The following CAPN3 variants were observed in gnomAD, a reference collection of about 807,000 sequenced individuals.
The protein encoded by CAPN3 is calpain 3.
CAPN3 carries 88 observed loss-of-function variants against 114.0 expected under a neutral mutation model. The ratio of observed to expected loss-of-function variants is 0.77; its 90% CI spans 0.65 to 0.92. CAPN3 has a LOEUF of 0.92. Among genes scored for constraint, CAPN3 ranks in the 40% least tolerant of loss-of-function variants. CAPN3 has a pLI of 0.00. For missense variants in CAPN3, 1,028 were observed against 1,069.0 expected (o/e 0.96, Z 0.53); for synonymous variants, 386 against 382.9 (o/e 1.01, Z -0.09).
chr15:42,386,320 G>A (rs28364399), intron 3 of CAPN3, 35 bp downstream of exon 3: 4 of 1,440,762 alleles, frequency 2.8e-6, no homozygotes, highest in South Asian at 1.1e-5. Flanking sequence ...GAGGGCCAGC[G>A]GCAGGCCACC....
At chr15:42,390,367 G>C (rs2053522629) in intron 6 of CAPN3, among the ~76,000 whole-genome samples, 1 of 152,160 alleles carries the variant, frequency 6.6e-6, no homozygotes, top group African/African-American at 2.4e-5. Flanking sequence ...AGAAATACTT[G>C]TAAAGATACT....
At chr15:42,360,181 C>A in intron 1 of CAPN3, 67 bp downstream of exon 1, 1 of 1,577,734 alleles carries the variant, frequency 6.3e-7, no homozygotes, top group South Asian at 1.1e-5. Context: ...TCAGCACCTC[C>A]GGCAGCTCAG....
At chr15:42,396,423 A>G (rs2053692372) in intron 8 of CAPN3, among the ~76,000 whole-genome samples, 1 of 151,888 alleles carries the variant, frequency 6.6e-6, no homozygotes, top group Non-Finnish European at 1.5e-5. Context: ...TTGTATTTTT[A>G]TTAGGACGGG....
chr15:42,383,605 C>G (rs1464040077), intron 1 of CAPN3, among the ~76,000 whole-genome samples: 1 of 152,082 alleles, frequency 6.6e-6, no homozygotes. Context: ...CAGTGAGACT[C>G]TGTCTCAAAA....
At chr15:42,370,200 T>C (rs183251011) in intron 1 of CAPN3, among the ~76,000 whole-genome samples, 4 of 152,180 alleles carry the variant, frequency 2.6e-5, no homozygotes, top group African/African-American at 7.2e-5. Context: ...AGTTGGAAGC[T>C]TTCTGTCCAT....
In CAPN3 at chr15:42,359,912, G is replaced by C. The variant is rs768925755; in HGVS notation, c.107G>C (p.Gly36Ala). 6.2e-7 allele frequency: 1 copy of C among 1,614,240 alleles called. No homozygotes were observed. The change falls in exon 1 of 24, where the codon GGT becomes GCT. Residue 36 changes from glycine (G) to alanine (A), a missense_variant. Transcript: ENST00000397163. ...PAQSKATEAG[G>A]GNPSGIYSAI... ...CAGAGCAAGGCCACTGAGGCTGGGGGTGGAAACCCAAGTGGCATCTATTCA... is the reference window on the plus strand; with the variant it reads ...CAGAGCAAGGCCACTGAGGCTGGGGCTGGAAACCCAAGTGGCATCTATTCA...
chr15:42,410,274 A>G, intron 19 of CAPN3, 154 bp from the exon 20 acceptor site: 1 of 814,600 alleles, frequency 1.2e-6, no homozygotes, highest in Non-Finnish European at 2.1e-6. Flanking sequence ...TGGGTTACAG[A>G]GTAGGCGCAA....
At chr15:42,411,644 G>A in intron 23 of CAPN3, 103 bp from the exon 24 acceptor site, 1 of 757,008 alleles carries the variant, frequency 1.3e-6, no homozygotes, top group Non-Finnish European at 2.4e-6. Context: ...GGTCTGACCT[G>A]CTGGGACTGT....
intron 1 of CAPN3, among the ~76,000 whole-genome samples, chr15:42,384,184 C>T (rs910084833): frequency 1.3e-5 from 2 of 151,970 alleles, no homozygotes; most frequent in Non-Finnish European, 2.9e-5. Flanking sequence ...GAGGCCGAGG[C>T]GGGTGGATCA....
At chr15:42,399,464 G>A (rs761595625) in intron 9 of CAPN3, 28 bp from the exon 10 acceptor site, 1 of 1,592,378 alleles carries the variant, frequency 6.3e-7, no homozygotes, top group Non-Finnish European at 8.6e-7. Flanking sequence ...GCTCCCATAT[G>A]GCTCTCTCTC....
At chr15:42,397,075 C>G (rs1367671416) in intron 9 of CAPN3, among the ~76,000 whole-genome samples, 198 bp downstream of exon 9, 5 of 152,192 alleles carry the variant, frequency 3.3e-5, no homozygotes, top group African/African-American at 7.2e-5. Context: ...GAGCCCAGGA[C>G]CAGGCCAACA....
At position 42,405,921 on chromosome 15, in the gene CAPN3, T is replaced by C. The variant is rs780680647; in HGVS notation, c.1783-5T>C. ...CTGCATTTACTGTTTCCTTTTCTTA[T>C]GCAGAAAAAGAAAAAAACCAAGGTA... is the stretch of plus-strand genomic sequence containing the variant. On this transcript the variant is annotated splice_polypyrimidine_tract_variant and splice_region_variant and intron_variant, in intron 14 of 23. Transcript: ENST00000397163. 18 of 1,610,970 alleles carry C rather than the reference T, an allele frequency of 1.1e-5. No homozygotes were observed. In the African/African-American group the frequency reaches 1.9e-4, roughly 17 times the overall value.
At chr15:42,381,115 GC>G (rs1301075162) in intron 1 of CAPN3, among the ~76,000 whole-genome samples, 1 of 151,668 alleles carries the variant, frequency 6.6e-6, no homozygotes, top group African/African-American at 2.4e-5. Context: ...TGCTATAATT[GC>G]CCAATACATT....
intron 1 of CAPN3, among the ~76,000 whole-genome samples, chr15:42,368,859 T>C (rs964489512): frequency 6.6e-6 from 1 of 152,158 alleles, no homozygotes; most frequent in African/African-American, 2.4e-5. Flanking sequence ...CAAGACCAGC[T>C]TGGGCACCAT....
At chr15:42,384,812 A>G (rs1308480375) in intron 2 of CAPN3, among the ~76,000 whole-genome samples, 3 of 152,146 alleles carry the variant, frequency 2.0e-5, no homozygotes, top group Non-Finnish European at 1.5e-5. Flanking sequence ...TCTCAAGGAC[A>G]CTTACATACC....
intron 8 of CAPN3, among the ~76,000 whole-genome samples, chr15:42,395,304 A>G (rs1276246720): frequency 6.6e-6 from 1 of 152,106 alleles, no homozygotes; most frequent in African/African-American, 2.4e-5. Context: ...TATGCACGCT[A>G]CACCTATCCT....
intron 1 of CAPN3, among the ~76,000 whole-genome samples, chr15:42,373,229 T>C (rs1318192001): frequency 1.3e-5 from 2 of 152,168 alleles, no homozygotes; most frequent in Non-Finnish European, 2.9e-5. Flanking sequence ...TCATTGGTTT[T>C]CAACTTTAGT....
intron 1 of CAPN3, among the ~76,000 whole-genome samples, chr15:42,379,310 C>CA (rs879913460): frequency 6.6e-4 from 92 of 138,434 alleles, no homozygotes; most frequent in South Asian, 2.3e-3. Context: ...GACTCTGTCT[C>CA]AAAAAAAAAA....
intron 19 of CAPN3, 94 bp from the exon 20 acceptor site, chr15:42,410,334 C>A: frequency 9.3e-7 from 1 of 1,073,714 alleles, no homozygotes; most frequent in Non-Finnish European, 1.4e-6. Flanking sequence ...TACAACAGGG[C>A]AGTGGGTAGG....
Sources: allele counts gnomAD v4.1 joint callset (sites outside exome capture counted in the v4.1 genomes callset), GRCh38; gene constraint gnomAD v4.1.1; transcripts MANE v1.5; gene names NCBI Gene and HGNC (gene_info 2026-07-23, HGNC 2026-07-21).